SIPA1L1: variants seen among roughly 807,000 people sequenced by gnomAD.
SIPA1L1 encodes signal-induced proliferation-associated 1-like protein 1.
Under a neutral mutation model 162.7 loss-of-function variants are expected in SIPA1L1, and 26 were observed. The observed-to-expected ratio is 0.16, with a 90% CI of 0.12 to 0.22. The LOEUF (loss-of-function observed/expected upper bound fraction) is 0.22, where lower values mean the gene tolerates loss of function less well. SIPA1L1 is among the 10% of genes least tolerant of loss of function. The pLI is 1.00. For synonymous variants in SIPA1L1, 829 were observed against 837.4 expected (o/e 0.99, Z 0.17); for missense variants, 1,874 against 2,241.0 (o/e 0.84, Z 3.31).
chr14:71,393,942 A>G (rs959324069), intron 2 of SIPA1L1, among the ~76,000 whole-genome samples: 4 of 152,234 alleles, frequency 2.6e-5, no homozygotes, highest in East Asian at 1.9e-4. Context: ...ATTGATGTCT[A>G]CTAGAAAGTC....
intron 2 of SIPA1L1, among the ~76,000 whole-genome samples, chr14:71,459,328 G>T (rs986848418): frequency 6.6e-6 from 1 of 152,042 alleles, no homozygotes; most frequent in Non-Finnish European, 1.5e-5. Flanking sequence ...GTAACACGAC[G>T]GTATAGTGGT....
intron 5 of SIPA1L1, among the ~76,000 whole-genome samples, chr14:71,616,919 C>G (rs546099043): frequency 1.6e-4 from 25 of 152,172 alleles, no homozygotes; most frequent in Admixed American, 7.8e-4. Context: ...ATGCCACCTG[C>G]CCATTGTGAG....
At chr14:71,578,519 C>G (rs1327161178) in intron 4 of SIPA1L1, among the ~76,000 whole-genome samples, 1 of 152,190 alleles carries the variant, frequency 6.6e-6, no homozygotes, top group African/African-American at 2.4e-5. Flanking sequence ...CAGAACTTGA[C>G]TAATAGCCTA....
At chr14:71,544,272 T>C (rs531251379) in intron 4 of SIPA1L1, among the ~76,000 whole-genome samples, 1 of 107,332 alleles carries the variant, frequency 9.3e-6, no homozygotes, top group South Asian at 2.7e-4. Flanking sequence ...GATATGTGTA[T>C]ATACATATGT....
chr14:71,462,747 G>A (rs535497580), intron 2 of SIPA1L1, among the ~76,000 whole-genome samples: 60 of 152,254 alleles, frequency 3.9e-4, no homozygotes, highest in Non-Finnish European at 7.2e-4. Flanking sequence ...TGTCATCAAC[G>A]TAATGGACCA....
intron 2 of SIPA1L1, among the ~76,000 whole-genome samples, chr14:71,394,489 A>G (rs893408491): frequency 9.9e-5 from 15 of 152,228 alleles, no homozygotes; most frequent in Non-Finnish European, 1.5e-4. Context: ...AGAGAGAACT[A>G]TCTTGCTTGA....
At chr14:71,709,071 A>T in intron 16 of SIPA1L1, 151 bp from the exon 17 acceptor site, 1 of 625,528 alleles carries the variant, frequency 1.6e-6, no homozygotes, top group East Asian at 2.7e-5. Context: ...CCATAGTGAC[A>T]TAGGTTCCCT....
At chr14:71,446,210 A>G (rs2045330123) in intron 2 of SIPA1L1, among the ~76,000 whole-genome samples, 1 of 152,136 alleles carries the variant, frequency 6.6e-6, no homozygotes, top group South Asian at 2.1e-4. Flanking sequence ...AAAGAAGCTG[A>G]TTTTAGCTAA....
chr14:71,323,017 C>T (rs1243158429), intron 2 of SIPA1L1, among the ~76,000 whole-genome samples: 2 of 152,246 alleles, frequency 1.3e-5, no homozygotes, highest in Non-Finnish European at 2.9e-5. Flanking sequence ...AAGCACCTCT[C>T]TGATACTTTG....
intron 2 of SIPA1L1, among the ~76,000 whole-genome samples, chr14:71,323,330 A>G (rs1263704213): frequency 6.6e-6 from 1 of 152,132 alleles, no homozygotes; most frequent in Non-Finnish European, 1.5e-5. Context: ...TTCTTTTTTT[A>G]AAAATCTGTT....
chr14:71,357,184 C>T (rs2037358697), intron 2 of SIPA1L1, among the ~76,000 whole-genome samples: 1 of 152,044 alleles, frequency 6.6e-6, no homozygotes, highest in African/African-American at 2.4e-5. Flanking sequence ...TTCAGCCTCC[C>T]GAGTAGCTGG....
intron 2 of SIPA1L1, among the ~76,000 whole-genome samples, chr14:71,475,284 G>A (rs547034597): frequency 6.6e-6 from 1 of 152,190 alleles, no homozygotes; most frequent in Non-Finnish European, 1.5e-5. Flanking sequence ...CCTGCATACT[G>A]TTCTCCAGCA....
intron 2 of SIPA1L1, among the ~76,000 whole-genome samples, chr14:71,512,032 G>T (rs1449296369): frequency 6.6e-6 from 1 of 152,158 alleles, no homozygotes; most frequent in Non-Finnish European, 1.5e-5. Context: ...GGAGTTTTGT[G>T]AGTCCTTCTA....
chr14:71,649,215 CAG>C (rs2042421212), intron 7 of SIPA1L1, among the ~76,000 whole-genome samples: 2 of 129,532 alleles, frequency 1.5e-5, no homozygotes, highest in African/African-American at 6.2e-5. Flanking sequence ...TTTTTTGAGA[CAG>C]AGTTTTGCTC....
At chr14:71,688,273 A>T (rs1450701875) in intron 13 of SIPA1L1, among the ~76,000 whole-genome samples, 2 of 152,238 alleles carry the variant, frequency 1.3e-5, no homozygotes, top group Non-Finnish European at 2.9e-5. Flanking sequence ...GGAAATGCCC[A>T]TTGGAGGATT....
intron 2 of SIPA1L1, among the ~76,000 whole-genome samples, chr14:71,417,172 T>C (rs924972621): frequency 6.6e-6 from 1 of 152,038 alleles, no homozygotes; most frequent in Non-Finnish European, 1.5e-5. Flanking sequence ...TATTATATAC[T>C]GTGTTGTTAC....
At chr14:71,666,442 C>T (rs2044011896) in intron 10 of SIPA1L1, among the ~76,000 whole-genome samples, 1 of 152,110 alleles carries the variant, frequency 6.6e-6, no homozygotes, top group Non-Finnish European at 1.5e-5. Context: ...GACAAAAAGA[C>T]TATAAAGAAA....
chr14:71,693,619 C>G (rs1010384266), intron 13 of SIPA1L1, among the ~76,000 whole-genome samples: 1 of 152,180 alleles, frequency 6.6e-6, no homozygotes, highest in Non-Finnish European at 1.5e-5. Context: ...AAAAGACAGG[C>G]ACGAGTTGCT....
chr14:71,610,475 T>G (rs2038080250), intron 5 of SIPA1L1, among the ~76,000 whole-genome samples: 1 of 152,210 alleles, frequency 6.6e-6, no homozygotes, highest in Non-Finnish European at 1.5e-5. Flanking sequence ...TATTTACAGT[T>G]TATATTTTTG....
Sources: allele counts gnomAD v4.1 joint callset (sites outside exome capture counted in the v4.1 genomes callset), GRCh38; gene constraint gnomAD v4.1.1; transcripts MANE v1.5; gene names NCBI Gene and HGNC (gene_info 2026-07-23, HGNC 2026-07-21).